Variants in ELAPOR2 observed in about 807,000 individuals in gnomAD.
ELAPOR2 encodes the protein endosome-lysosome associated apoptosis and autophagy regulator family member 2, also known as endosome/lysosome-associated apoptosis and autophagy regulator family member 2.
In ELAPOR2, 89 loss-of-function variants were observed where a neutral mutation model predicts 120.7. The observed-to-expected ratio is 0.74, with a 90% CI of 0.62 to 0.88. The LOEUF is 0.88. ELAPOR2 is among the 40% of genes least tolerant of loss of function. ELAPOR2 has a pLI of 0.00. For synonymous variants in ELAPOR2, 444 were observed against 444.9 expected, an observed-to-expected ratio of 1.00 and a Z score of 0.03; for missense variants, 1,134 against 1,251.6, an observed-to-expected ratio of 0.91 and a Z score of 1.42.
At chr7:86,949,074 G>A (rs566469976) in intron 2 of ELAPOR2, among the ~76,000 whole-genome samples, 6 of 152,182 alleles carry the variant, frequency 3.9e-5, no homozygotes, top group African/African-American at 7.2e-5. Flanking sequence ...CTACTTATTC[G>A]CTGAATTAAT....
chr7:86,986,042 T>A (rs1053701817), intron 1 of ELAPOR2, among the ~76,000 whole-genome samples: 1 of 151,846 alleles, frequency 6.6e-6, no homozygotes, highest in Non-Finnish European at 1.5e-5. Context: ...TTCAACATAG[T>A]GTTAGAAGTT....
chr7:87,018,299 A>C (rs1012462457), intron 1 of ELAPOR2, among the ~76,000 whole-genome samples: 1 of 152,174 alleles, frequency 6.6e-6, no homozygotes, highest in African/African-American at 2.4e-5. Flanking sequence ...TAGTCATCCC[A>C]AAGTGCTGTG....
intron 1 of ELAPOR2, among the ~76,000 whole-genome samples, chr7:86,966,991 TA>T (rs1431479299): frequency 2.0e-5 from 3 of 152,284 alleles, no homozygotes; most frequent in Non-Finnish European, 4.4e-5. Context: ...TTTTGTCATA[TA>T]AAAATAATAT....
intron 18 of ELAPOR2, among the ~76,000 whole-genome samples, chr7:86,902,783 G>T (rs1169289600): frequency 1.3e-5 from 2 of 152,010 alleles, no homozygotes; most frequent in Non-Finnish European, 2.9e-5. Flanking sequence ...CTGTGAGATG[G>T]GGGCTTGCTA....
chr7:86,963,679 C>T (rs1791799971), intron 2 of ELAPOR2, among the ~76,000 whole-genome samples: 1 of 152,180 alleles, frequency 6.6e-6, no homozygotes, highest in Admixed American at 6.5e-5. Context: ...GTGACTGAAG[C>T]AAATTTACAG....
At chr7:86,959,433 A>G in intron 2 of ELAPOR2, among the ~76,000 whole-genome samples, 1 of 152,228 alleles carries the variant, frequency 6.6e-6, no homozygotes, top group East Asian at 1.9e-4. Flanking sequence ...TCAGTTTTTC[A>G]CAACTGAGTA....
intron 21 of ELAPOR2, among the ~76,000 whole-genome samples, chr7:86,890,658 T>C (rs1252803218): frequency 6.6e-6 from 1 of 152,060 alleles, no homozygotes; most frequent in Non-Finnish European, 1.5e-5. Context: ...CATGAAACTG[T>C]AGCAGACTCA....
At chr7:86,996,941 G>A (rs1264826356) in intron 1 of ELAPOR2, among the ~76,000 whole-genome samples, 1 of 152,118 alleles carries the variant, frequency 6.6e-6, no homozygotes, top group Admixed American at 6.6e-5. Context: ...CCGAAGTAGT[G>A]CCAATGTTAA....
chr7:86,901,071 T>A (rs1788701859), intron 18 of ELAPOR2, among the ~76,000 whole-genome samples: 1 of 152,144 alleles, frequency 6.6e-6, no homozygotes. Context: ...TAGGAACCAG[T>A]GAATAAATGC....
intron 21 of ELAPOR2, among the ~76,000 whole-genome samples, chr7:86,887,547 A>G (rs1436739019): frequency 3.3e-5 from 5 of 152,120 alleles, no homozygotes; most frequent in African/African-American, 1.2e-4. Flanking sequence ...ACCTTGAAAC[A>G]AATCAGTATA....
At chr7:86,906,256 C>T (rs1281790353) in intron 18 of ELAPOR2, among the ~76,000 whole-genome samples, 2 of 152,062 alleles carry the variant, frequency 1.3e-5, no homozygotes, top group African/African-American at 4.8e-5. Flanking sequence ...CACACCTTTC[C>T]TTGGAGGGTG....
chr7:87,059,625 C>A lies in ELAPOR2; in HGVS notation c.-112G>T. ...GTGCGCTCGTCTCGCCGCTCCGTCA[C>A]CCGCTGCCCGTCCGCCCGCTGACAG... On this transcript the variant is annotated 5_prime_UTR_variant, in exon 1 of 22. Transcript: ENST00000450689. 9.3e-7 allele frequency: 1 copy of A among 1,070,798 alleles called. No homozygotes were observed. The allele number at this position is 1,070,798 out of a possible 1,614,324, so 66.3% of individuals were successfully genotyped here.
At chr7:86,943,849 T>C (rs1388629998) in intron 4 of ELAPOR2, among the ~76,000 whole-genome samples, 1 of 152,074 alleles carries the variant, frequency 6.6e-6, no homozygotes, top group Non-Finnish European at 1.5e-5. Context: ...AAGATATTAG[T>C]ACTAGGAGAC....
intron 8 of ELAPOR2, among the ~76,000 whole-genome samples, chr7:86,929,194 A>G (rs1191139549): frequency 6.6e-6 from 1 of 151,974 alleles, no homozygotes; most frequent in Non-Finnish European, 1.5e-5. Flanking sequence ...ATTCTCATAT[A>G]AAAACAGAAC....
intron 21 of ELAPOR2, among the ~76,000 whole-genome samples, chr7:86,881,419 C>T (rs1481922859): frequency 1.3e-5 from 2 of 149,860 alleles, no homozygotes; most frequent in Non-Finnish European, 3.0e-5. Flanking sequence ...TACAATGGTG[C>T]AATCTTGGCT....
At chr7:86,969,065 C>T (rs1433080259) in intron 1 of ELAPOR2, among the ~76,000 whole-genome samples, 2 of 152,012 alleles carry the variant, frequency 1.3e-5, no homozygotes, top group African/African-American at 4.8e-5. Flanking sequence ...GAAAAATTAC[C>T]CTTCCATATA....
At chr7:87,053,596 C>T (rs116631255) in intron 1 of ELAPOR2, among the ~76,000 whole-genome samples, 2,014 of 152,230 alleles carry the variant, frequency 0.013, 51 homozygotes, top group African/African-American at 0.046. Context: ...GAGAGCACAA[C>T]TCATTCATCT....
chr7:86,936,591 TTTC>T lies in ELAPOR2; in HGVS notation c.1089+1532_1089+1534del, dbSNP rs577471447. ...AGTTTATAAAGTACTAGCACATTGT[TTTC>T]TTCTATACCAAGAACATGTTCAAAT... is the stretch of plus-strand genomic sequence containing the variant. On this transcript the variant is annotated intron_variant, in intron 8 of 21. Transcript: ENST00000450689. Among the ~76,000 whole-genome samples the T allele has an allele frequency of 1.8e-4, 27 of 152,254 alleles. No homozygotes were observed. The South Asian group carries it at 5.2e-3, about 29-fold the overall frequency.
At chr7:86,993,234 C>CAAAAAAAAAAAAAAAAAAAA (rs1159917841) in intron 1 of ELAPOR2, among the ~76,000 whole-genome samples, 32 of 57,090 alleles carry the variant, frequency 5.6e-4, no homozygotes, top group Non-Finnish European at 6.5e-4. Context: ...GACTCCATCT[C>CAAAAAAAAAAAAAAAAAAAA]AAAAAAAAAA....
Sources: gnomAD v4.1 joint callset for allele counts (sites outside exome capture counted in the v4.1 genomes callset) on GRCh38, gnomAD v4.1.1 for gene constraint, MANE v1.5 for transcripts, NCBI Gene and HGNC (gene_info 2026-07-23, HGNC 2026-07-21) for gene names.